Variants in GALNT17 observed in about 807,000 individuals in gnomAD.
GALNT17 encodes polypeptide N-acetylgalactosaminyltransferase 17.
GALNT17 carries 29 observed loss-of-function variants against 63.7 expected under a neutral mutation model. The observed-to-expected ratio is 0.46, with a 90% CI of 0.34 to 0.62. The LOEUF is 0.62. GALNT17 is among the 20% of genes least tolerant of loss of function. GALNT17 has a pLI of 0.01. For synonymous variants in GALNT17, 305 were observed against 318.3 expected, an observed-to-expected ratio of 0.96 and a Z score of 0.45; for missense variants, 603 against 799.6, an observed-to-expected ratio of 0.75 and a Z score of 2.97.
At chr7:71,334,952 A>C (rs1791871679) in intron 1 of GALNT17, among the ~76,000 whole-genome samples, 1 of 152,018 alleles carries the variant, frequency 6.6e-6, no homozygotes, top group Non-Finnish European at 1.5e-5. Context: ...ATTCTGTGCT[A>C]TTTCTTCTTG....
At chr7:71,699,720 G>A (rs1221639600) in intron 9 of GALNT17, among the ~76,000 whole-genome samples, 4 of 151,948 alleles carry the variant, frequency 2.6e-5, no homozygotes, top group Admixed American at 1.3e-4. Flanking sequence ...AATCATTTGA[G>A]CCTAGGAGTT....
intron 6 of GALNT17, among the ~76,000 whole-genome samples, chr7:71,652,370 G>C (rs964526292): frequency 3.3e-5 from 5 of 152,116 alleles, no homozygotes; most frequent in Non-Finnish European, 7.4e-5. Flanking sequence ...AAGGACTTTA[G>C]GAGGAAAGCC....
At chr7:71,483,310 A>C (rs1187043228) in intron 5 of GALNT17, among the ~76,000 whole-genome samples, 4 of 152,032 alleles carry the variant, frequency 2.6e-5, no homozygotes, top group Admixed American at 2.6e-4. Context: ...GTCTCTATTA[A>C]AAATAAAAAA....
intron 5 of GALNT17, among the ~76,000 whole-genome samples, chr7:71,505,041 G>A (rs4717599): frequency 0.62 from 93,636 of 152,052 alleles, 30,247 homozygotes; most frequent in Non-Finnish European, 0.73. Context: ...TGCATACACT[G>A]CATCATGTAG....
intron 1 of GALNT17, among the ~76,000 whole-genome samples, chr7:71,209,869 A>C (rs1031643873): frequency 2.6e-5 from 4 of 152,176 alleles, no homozygotes; most frequent in African/African-American, 9.6e-5. Flanking sequence ...ATGAGGAAGA[A>C]GCTAAAGTGG....
At chr7:71,612,027 C>A (rs757945552) in intron 6 of GALNT17, among the ~76,000 whole-genome samples, 1 of 152,178 alleles carries the variant, frequency 6.6e-6, no homozygotes, top group Non-Finnish European at 1.5e-5. Context: ...AAGCAATCGG[C>A]ATCATTCAGG....
At chr7:71,303,684 G>A (rs1791239872) in intron 1 of GALNT17, among the ~76,000 whole-genome samples, 1 of 152,110 alleles carries the variant, frequency 6.6e-6, no homozygotes, top group Admixed American at 6.6e-5. Context: ...TCTGGTCTGG[G>A]AGAATTACTG....
chr7:71,139,218 G>A (rs1228038574), intron 1 of GALNT17, among the ~76,000 whole-genome samples: 1 of 152,068 alleles, frequency 6.6e-6, no homozygotes, highest in Non-Finnish European at 1.5e-5. Context: ...TTCCTCCCAG[G>A]AGTCCAGCAC....
At chr7:71,271,351 G>A (rs758886178) in intron 1 of GALNT17, among the ~76,000 whole-genome samples, 5 of 152,202 alleles carry the variant, frequency 3.3e-5, no homozygotes, top group Non-Finnish European at 7.3e-5. Flanking sequence ...TTCCACATCA[G>A]GGTGATGATG....
At chr7:71,311,583 G>T (rs577435048) in intron 1 of GALNT17, among the ~76,000 whole-genome samples, 1 of 152,258 alleles carries the variant, frequency 6.6e-6, no homozygotes, top group Non-Finnish European at 1.5e-5. Flanking sequence ...AAGCTGTGGG[G>T]GATCCCAGTT....
chr7:71,397,568 G>A (rs889537341), intron 3 of GALNT17, among the ~76,000 whole-genome samples: 3 of 152,110 alleles, frequency 2.0e-5, no homozygotes, highest in Admixed American at 6.5e-5. Context: ...TTAAAATGAG[G>A]TACATTTGCA....
chr7:71,279,353 T>G (rs1038599095), intron 1 of GALNT17, among the ~76,000 whole-genome samples: 1 of 152,032 alleles, frequency 6.6e-6, no homozygotes, highest in Admixed American at 6.6e-5. Flanking sequence ...TATAAGAACA[T>G]CATGAGGGTA....
chr7:71,669,056 A>C (rs559166699), intron 7 of GALNT17, among the ~76,000 whole-genome samples: 1 of 152,306 alleles, frequency 6.6e-6, no homozygotes, highest in Admixed American at 6.5e-5. Context: ...AAGAGCAGAA[A>C]CTGAGAATGT....
intron 1 of GALNT17, among the ~76,000 whole-genome samples, chr7:71,225,282 T>G (rs1789660770): frequency 6.6e-6 from 1 of 152,242 alleles, no homozygotes; most frequent in African/African-American, 2.4e-5. Context: ...AGACTCATTC[T>G]TACAGAAATT....
intron 6 of GALNT17, among the ~76,000 whole-genome samples, chr7:71,652,713 A>G (rs1790771001): frequency 6.6e-6 from 1 of 152,184 alleles, no homozygotes; most frequent in South Asian, 2.1e-4. Context: ...AACAATGTAA[A>G]TGGATTTAAA....
At chr7:71,218,227 C>T (rs1162536334) in intron 1 of GALNT17, among the ~76,000 whole-genome samples, 1 of 152,078 alleles carries the variant, frequency 6.6e-6, no homozygotes, top group Non-Finnish European at 1.5e-5. Flanking sequence ...AACCCCGTCT[C>T]TACTAAAAAT....
intron 1 of GALNT17, among the ~76,000 whole-genome samples, chr7:71,196,473 T>A (rs1789051200): frequency 6.6e-6 from 1 of 151,972 alleles, no homozygotes; most frequent in African/African-American, 2.4e-5. Context: ...TCCTCCACTG[T>A]AATAAATCAG....
intron 5 of GALNT17, among the ~76,000 whole-genome samples, chr7:71,546,484 C>T (rs1200342018): frequency 2.6e-5 from 4 of 152,102 alleles, no homozygotes; most frequent in Non-Finnish European, 5.9e-5. Flanking sequence ...TTATGCCCAG[C>T]GCTCAAGAAG....
chr7:71,157,691 A>G (rs1486412235), intron 1 of GALNT17, among the ~76,000 whole-genome samples: 1 of 151,778 alleles, frequency 6.6e-6, no homozygotes, highest in African/African-American at 2.4e-5. Context: ...ATGAATACAT[A>G]TATAATTTAC....
Sources: gnomAD v4.1 joint callset for allele counts (sites outside exome capture counted in the v4.1 genomes callset) on GRCh38, gnomAD v4.1.1 for gene constraint, MANE v1.5 for transcripts, NCBI Gene and HGNC (gene_info 2026-07-23, HGNC 2026-07-21) for gene names.